WDR27: variants seen among roughly 807,000 people sequenced by gnomAD.
The protein encoded by WDR27 is WD repeat-containing protein 27.
WDR27 carries 100 observed loss-of-function variants against 114.4 expected under a neutral mutation model. That is an observed-to-expected ratio of 0.87 (90% CI 0.74 to 1.03). WDR27 has a LOEUF of 1.03. Among genes scored for constraint, WDR27 ranks in the 50% least tolerant of loss-of-function variants. The pLI is 0.00. For synonymous variants in WDR27, 449 were observed against 423.1 expected (o/e 1.06, Z -0.75); for missense variants, 1,129 against 1,092.9 (o/e 1.03, Z -0.47).
chr6:169,672,212 C>A, intron 3 of WDR27, 43 bp downstream of exon 3: 2 of 1,597,520 alleles, frequency 1.3e-6, no homozygotes. Context: ...ATGAGTTATT[C>A]CTTTTGCAGG....
intron 25 of WDR27, among the ~76,000 whole-genome samples, chr6:169,512,190 A>T (rs1324258317): frequency 2.6e-5 from 4 of 152,170 alleles, no homozygotes; most frequent in Non-Finnish European, 5.9e-5. Flanking sequence ...GCAAAATTAT[A>T]ATTTTATAGT....
chr6:169,506,761 G>C (rs1429880095), intron 25 of WDR27, among the ~76,000 whole-genome samples: 1 of 152,218 alleles, frequency 6.6e-6, no homozygotes, highest in Non-Finnish European at 1.5e-5. Flanking sequence ...ACATGGACCA[G>C]AGATGTGTTA....
At chr6:169,633,156 G>A (rs936764051) in intron 20 of WDR27, 88 bp from the exon 21 acceptor site, 22 of 1,340,208 alleles carry the variant, frequency 1.6e-5, no homozygotes, top group Non-Finnish European at 2.0e-5. Context: ...AAAAACTTTG[G>A]AATATTAGAA....
chr6:169,550,083 G>A (rs1016389560), intron 25 of WDR27, among the ~76,000 whole-genome samples: 12 of 151,810 alleles, frequency 7.9e-5, no homozygotes, highest in African/African-American at 1.5e-4. Context: ...AGTAACAAAC[G>A]TACCACTCTG....
chr6:169,562,087 A>G (rs1799751172), intron 25 of WDR27, among the ~76,000 whole-genome samples: 1 of 152,212 alleles, frequency 6.6e-6, no homozygotes, highest in Admixed American at 6.5e-5. Context: ...AGGAAAAGAG[A>G]AAACCTAGAG....
intron 13 of WDR27, among the ~76,000 whole-genome samples, chr6:169,654,249 C>G (rs986013572): frequency 1.3e-5 from 2 of 152,132 alleles, no homozygotes; most frequent in Admixed American, 1.3e-4. Flanking sequence ...AATCATATAC[C>G]TAATTTAAAA....
chr6:169,598,828 A>G (rs1048298586), intron 23 of WDR27, among the ~76,000 whole-genome samples: 2 of 152,216 alleles, frequency 1.3e-5, no homozygotes, highest in African/African-American at 4.8e-5. Flanking sequence ...CCGACAGAAA[A>G]TAAGTGTCTA....
chr6:169,471,419 G>A (rs1465065902), intron 25 of WDR27, among the ~76,000 whole-genome samples: 1 of 151,980 alleles, frequency 6.6e-6, no homozygotes, highest in Non-Finnish European at 1.5e-5. Context: ...AAGAGTAGTA[G>A]ATTTTATTTT....
intron 24 of WDR27, among the ~76,000 whole-genome samples, chr6:169,581,475 G>A (rs1238224831): frequency 6.6e-6 from 1 of 152,210 alleles, no homozygotes; most frequent in Non-Finnish European, 1.5e-5. Flanking sequence ...ATAGGTGATG[G>A]CACAAATATT....
Position 169,636,488 on chromosome 6 carries a change from G to T in WDR27, c.1886C>A (p.Ser629Tyr), listed in dbSNP as rs368366196. ...GAACTGTGCAGACTGTATAGGTTTA[G>T]AAAACATGTCTTTGCCCTGTAATGC... ...LALLLGKDMF[S>Y]KPIQSAQFYY... Residue 629 changes from serine (S) to tyrosine (Y), a missense_variant, in exon 19 of 26, where the codon TCT becomes TAT. Ser to Tyr is a moderately radical substitution (Grantham distance 144, BLOSUM62 -2). Transcript: ENST00000448612. The T allele has an allele frequency of 8.0e-4, 1,294 of 1,609,566 alleles. 22 individuals are homozygous for T. In the South Asian group the frequency reaches 0.014, roughly 17 times the overall value.
At chr6:169,655,428 G>A (rs759745894) in intron 13 of WDR27, among the ~76,000 whole-genome samples, 8 of 152,224 alleles carry the variant, frequency 5.3e-5, no homozygotes, top group Non-Finnish European at 1.0e-4. Flanking sequence ...CAAGCCAAAC[G>A]TCTGTTAATA....
At chr6:169,428,549 C>T in the WDR27 span, among the ~76,000 whole-genome samples, 6 of 122,434 alleles carry the variant, frequency 4.9e-5, no homozygotes, top group African/African-American at 9.6e-5. Context: ...TGGGAAACCA[C>T]GGGTTAAATC....
rs542386721 is a variant in WDR27 at position 169,519,937 on chromosome 6, C to A, written c.2645+52482G>T. On this transcript the variant is annotated intron_variant, in intron 25 of 25. Transcript: ENST00000448612. ...CCCCAACTCATGGTTTCTACACACACAAAAAAGTGAGATTGAGGTGGACGA... is the reference window on the plus strand; with the variant it reads ...CCCCAACTCATGGTTTCTACACACAAAAAAAAGTGAGATTGAGGTGGACGA... Among the ~76,000 whole-genome samples, 674 of 152,136 alleles carry A rather than the reference C, an allele frequency of 4.4e-3. 4 individuals are homozygous for A. Among genetic ancestry groups the A allele is most frequent in the Middle Eastern group, 6.8e-3 (2 of 294 alleles).
rs116328474 is a variant in WDR27 at position 169,501,619 on chromosome 6, C to T, written c.2646-43985G>A. 5.0e-3 allele frequency among the ~76,000 whole-genome samples: 767 copies of T among 152,362 alleles called. 10 individuals are homozygous for T. The highest frequency in any genetic ancestry group is 0.017 in the Middle Eastern group (5 of 294). ...CATAAAGATGTATGAGGAAGCAGCA[C>T]TTTCCCACGAACTGTAGGACTCGCC... On this transcript the variant is annotated intron_variant, in intron 25 of 25. Coordinates refer to ENST00000448612, the MANE Select transcript of WDR27 (RefSeq NM_182552.5).
intron 7 of WDR27, chr6:169,665,179 C>T: frequency 9.0e-7 from 1 of 1,111,714 alleles, no homozygotes; most frequent in Non-Finnish European, 1.1e-6. Context: ...GGGACGTCTG[C>T]TCACAGCCCT....
At chr6:169,609,647 G>T (rs542970304) in intron 22 of WDR27, among the ~76,000 whole-genome samples, 1 of 152,206 alleles carries the variant, frequency 6.6e-6, no homozygotes, top group African/African-American at 2.4e-5. Flanking sequence ...AGACCTCTGG[G>T]TCTGTGATGG....
chr6:169,570,603 C>A (rs185215188), intron 25 of WDR27, among the ~76,000 whole-genome samples: 46 of 152,238 alleles, frequency 3.0e-4, no homozygotes, highest in African/African-American at 1.1e-3. Context: ...CCTAGGCGGG[C>A]GGATCACCTG....
At chr6:169,527,638 T>C (rs938863848) in intron 25 of WDR27, among the ~76,000 whole-genome samples, 3 of 152,206 alleles carry the variant, frequency 2.0e-5, no homozygotes, top group Admixed American at 6.5e-5. Context: ...AATTATATCT[T>C]AATAAAAATA....
chr6:169,614,463 A>G (rs577876474), intron 21 of WDR27, among the ~76,000 whole-genome samples: 2 of 152,206 alleles, frequency 1.3e-5, no homozygotes, highest in African/African-American at 4.8e-5. Context: ...AGGCGGGCAG[A>G]TCACCTGAGG....
Sources: gnomAD v4.1 joint callset for allele counts (sites outside exome capture counted in the v4.1 genomes callset) on GRCh38, gnomAD v4.1.1 for gene constraint, MANE v1.5 for transcripts, NCBI Gene and HGNC (gene_info 2026-07-23, HGNC 2026-07-21) for gene names.